Variants in CAPS2 observed in about 807,000 individuals in gnomAD.
CAPS2 encodes the protein calcyphosine 2.
In CAPS2, 98 loss-of-function variants were observed where a neutral mutation model predicts 86.5. That is an observed-to-expected ratio of 1.13 (90% CI 0.96 to 1.34). The LOEUF (loss-of-function observed/expected upper bound fraction) is 1.34. Among genes scored for constraint, CAPS2 ranks in the 40% most tolerant of loss-of-function variants. The probability of loss-of-function intolerance (pLI) is 0.00; values close to 1 mark genes in which losing one functional copy is unlikely to be tolerated. For missense variants in CAPS2, 729 were observed against 686.8 expected (o/e 1.06, Z -0.69); for synonymous variants, 210 against 225.1 (o/e 0.93, Z 0.60).
chr12:75,372,261 C>A (rs1203041474), intron 1 of CAPS2, among the ~76,000 whole-genome samples: 3 of 152,146 alleles, frequency 2.0e-5, no homozygotes, highest in Non-Finnish European at 4.4e-5. Flanking sequence ...GATCCACCTG[C>A]CTCAGCTTCC....
At chr12:75,283,617 C>A (rs2034353169) in intron 15 of CAPS2, among the ~76,000 whole-genome samples, 1 of 152,070 alleles carries the variant, frequency 6.6e-6, no homozygotes, top group Non-Finnish European at 1.5e-5. Flanking sequence ...AGTTCAAGAC[C>A]AGCTTGGCCA....
exon 17 of CAPS2, chr12:75,279,063 G>A: frequency 6.3e-7 from 1 of 1,586,558 alleles, no homozygotes; most frequent in Non-Finnish European, 8.6e-7. Context: ...TCTGTTGAAT[G>A]GCCTATAAAA....
intron 1 of CAPS2, among the ~76,000 whole-genome samples, chr12:75,341,282 T>C (rs1323647633): frequency 2.6e-5 from 4 of 152,156 alleles, no homozygotes; most frequent in Admixed American, 6.5e-5. Context: ...AAAGTTAAAC[T>C]GTGGTACATC....
At chr12:75,372,003 T>A (rs543188632) in intron 1 of CAPS2, among the ~76,000 whole-genome samples, 2 of 152,150 alleles carry the variant, frequency 1.3e-5, no homozygotes, top group South Asian at 4.1e-4. Flanking sequence ...GTTGATTTCA[T>A]CTTTTTTGTT....
chr12:75,276,344 C>G (rs1593139251), downstream of CAPS2: 3 of 1,462,818 alleles, frequency 2.1e-6, no homozygotes, highest in East Asian at 7.9e-5. Flanking sequence ...CTGCAGTAAA[C>G]ATAGCCTAAT....
At chr12:75,339,904 C>A (rs1022390725) in intron 1 of CAPS2, among the ~76,000 whole-genome samples, 1 of 151,992 alleles carries the variant, frequency 6.6e-6, no homozygotes, top group Non-Finnish European at 1.5e-5. Flanking sequence ...AGTCTTTTAT[C>A]CCTCACCCCA....
At chr12:75,382,200 T>C (rs2045035495) in intron 1 of CAPS2, among the ~76,000 whole-genome samples, 3 of 152,200 alleles carry the variant, frequency 2.0e-5, no homozygotes, top group Admixed American at 1.3e-4. Flanking sequence ...ATAACATCTA[T>C]ACAGAGAACA....
At chr12:75,370,016 A>T (rs2044254287) in intron 1 of CAPS2, 2 of 1,198,888 alleles carry the variant, frequency 1.7e-6, no homozygotes, top group Admixed American at 1.8e-5. Flanking sequence ...AGTATTAATT[A>T]AATTATTTCC....
intron 16 of CAPS2, among the ~76,000 whole-genome samples, chr12:75,280,117 C>T (rs992454038): frequency 1.3e-5 from 2 of 151,756 alleles, no homozygotes; most frequent in African/African-American, 4.8e-5. Context: ...TACAGAAATA[C>T]ATTTGGGATA....
At chr12:75,347,058 G>A (rs915139526) in intron 1 of CAPS2, among the ~76,000 whole-genome samples, 3 of 150,398 alleles carry the variant, frequency 2.0e-5, no homozygotes, top group Admixed American at 6.7e-5. Context: ...GAATAACTTT[G>A]CTATTCTTTG....
At chr12:75,345,576 T>C (rs1194069943) in intron 1 of CAPS2, among the ~76,000 whole-genome samples, 1 of 152,216 alleles carries the variant, frequency 6.6e-6, no homozygotes, top group African/African-American at 2.4e-5. Flanking sequence ...GCAACTTCCA[T>C]GTTCCCTTTA....
chr12:75,359,960 A>T (rs1030248299), intron 1 of CAPS2: 4 of 152,208 alleles, frequency 2.6e-5, no homozygotes, highest in Non-Finnish European at 5.9e-5. Flanking sequence ...CAATGATGGC[A>T]TAAGGCAAAG....
intron 1 of CAPS2, among the ~76,000 whole-genome samples, chr12:75,367,604 T>G (rs1051312575): frequency 1.3e-5 from 2 of 152,108 alleles, no homozygotes; most frequent in African/African-American, 4.8e-5. Context: ...GAATTTTATT[T>G]GATAATTGAT....
chr12:75,328,186 G>A (rs544701982), upstream of CAPS2, among the ~76,000 whole-genome samples: 1 of 152,218 alleles, frequency 6.6e-6, no homozygotes, highest in East Asian at 1.9e-4. Flanking sequence ...GCCAGGGTTG[G>A]GTTGGTTGTT....
chr12:75,277,388 G>A, exon 17 of CAPS2: 1 of 976,500 alleles, frequency 1.0e-6, no homozygotes. Flanking sequence ...AGAACAATTT[G>A]TAGGGTTTAA....
chr12:75,322,386 A>G (rs2040388972), intron 4 of CAPS2, among the ~76,000 whole-genome samples: 1 of 152,210 alleles, frequency 6.6e-6, no homozygotes, highest in South Asian at 2.1e-4. Context: ...CAACCCTTGA[A>G]AAGTGTTGAG....
chr12:75,280,679 C>T (rs957734369), intron 16 of CAPS2, among the ~76,000 whole-genome samples: 1 of 151,810 alleles, frequency 6.6e-6, no homozygotes, highest in African/African-American at 2.4e-5. Context: ...ATTAAACATA[C>T]ACTAAAAATT....
At chr12:75,334,640 C>T (rs1021625062), upstream of CAPS2, 3 of 1,539,688 alleles carry the variant, frequency 1.9e-6, no homozygotes, top group Non-Finnish European at 2.6e-6. Context: ...CAAGGGAGAG[C>T]GTGGTGCGGG....
At chr12:75,365,594 G>A (rs1401995147) in intron 1 of CAPS2, among the ~76,000 whole-genome samples, 4 of 152,052 alleles carry the variant, frequency 2.6e-5, no homozygotes, top group Non-Finnish European at 2.9e-5. Context: ...ATGTTGCCCA[G>A]AGAGTTAATG....
Sources: gnomAD v4.1 joint callset for allele counts (sites outside exome capture counted in the v4.1 genomes callset) on GRCh38, gnomAD v4.1.1 for gene constraint, MANE v1.5 for transcripts, NCBI Gene and HGNC (gene_info 2026-07-23, HGNC 2026-07-21) for gene names.